RBMS1: variants seen among roughly 807,000 people sequenced by gnomAD.
The protein encoded by RBMS1 is RNA-binding motif, single-stranded-interacting protein 1.
A neutral mutation model predicts 62.3 loss-of-function variants in RBMS1; 17 were observed. The observed-to-expected ratio is 0.27, with a 90% CI of 0.19 to 0.41. RBMS1 has a LOEUF of 0.41. Ranked by LOEUF, RBMS1 falls within the 10% of genes least tolerant of loss-of-function variation. The pLI, the probability that RBMS1 is intolerant of heterozygous loss-of-function variation, is 1.00. For missense variants in RBMS1, 334 were observed against 504.5 expected, an observed-to-expected ratio of 0.66 and a Z score of 3.24; for synonymous variants, 172 against 170.0, an observed-to-expected ratio of 1.01 and a Z score of -0.09.
chr2:160,429,806 A>G (rs1384931616), intron 1 of RBMS1, among the ~76,000 whole-genome samples: 1 of 152,186 alleles, frequency 6.6e-6, no homozygotes, highest in Non-Finnish European at 1.5e-5. Flanking sequence ...CCCACTCTGC[A>G]TGTGCTTTCC....
chr2:160,359,596 T>A (rs1010322412), intron 2 of RBMS1, among the ~76,000 whole-genome samples: 3 of 152,214 alleles, frequency 2.0e-5, no homozygotes, highest in African/African-American at 7.2e-5. Context: ...AAGGATTTCC[T>A]ATTTACATAG....
chr2:160,400,330 C>T (rs10165985), intron 1 of RBMS1, among the ~76,000 whole-genome samples: 99,391 of 149,198 alleles, frequency 0.67, 33,524 homozygotes, highest in East Asian at 0.88. Flanking sequence ...ATTTAAAAAA[C>T]GAAAGAAACA....
At chr2:160,381,908 T>G (rs1004147288) in intron 1 of RBMS1, among the ~76,000 whole-genome samples, 2 of 152,226 alleles carry the variant, frequency 1.3e-5, no homozygotes, top group Non-Finnish European at 2.9e-5. Flanking sequence ...TCAGGAAACC[T>G]GCTTTCCTTT....
At chr2:160,471,691 G>GTGTATATATATATATATATATA (rs1275928756) in intron 1 of RBMS1, among the ~76,000 whole-genome samples, 2 of 65,944 alleles carry the variant, frequency 3.0e-5, no homozygotes, top group Middle Eastern at 8.8e-3. Context: ...ATCCTTTGGT[G>GTGTATATATATATATATATATA]TATATATATA....
intron 1 of RBMS1, among the ~76,000 whole-genome samples, chr2:160,424,715 C>A (rs1215873669): frequency 2.0e-5 from 3 of 152,062 alleles, no homozygotes; most frequent in Non-Finnish European, 4.4e-5. Flanking sequence ...TATTCACTCA[C>A]AAATGACTAT....
chr2:160,493,476 GGCT>G lies in RBMS1; in HGVS notation c.-116_-114del, dbSNP rs1025230291. On this transcript the variant is annotated 5_prime_UTR_variant, in exon 1 of 14. Coordinates refer to ENST00000348849, the MANE Select transcript of RBMS1 (RefSeq NM_016836.4). Reference sequence around the variant, plus strand: ...CGGCGGCAGCGGCGGCGGCGGCGGCGGCTGCTGCTGCTGCCGCTGCTCCACCTC... The same window carrying G: ...CGGCGGCAGCGGCGGCGGCGGCGGCGGCTGCTGCTGCCGCTGCTCCACCTC... 5.2e-5 allele frequency: 45 copies of G among 872,910 alleles called. No homozygotes were observed. Among genetic ancestry groups the G allele is most frequent in the Admixed American group, 1.5e-4 (7 of 45,824 alleles). The allele number at this position is 872,910 out of a possible 1,614,324, so 54.1% of individuals were successfully genotyped here.
rs1002866098 is a variant in RBMS1, at chr2:160,324,903, T to C, written c.252-6676A>G. On this transcript the variant is annotated intron_variant, in intron 2 of 13. Transcript: ENST00000348849. The stretch of plus-strand genomic sequence containing the variant: ...GTGTGTATATATATATATATATATA[T>C]ATATACACACACACACACACACACA... Among the ~76,000 whole-genome samples the C allele has an allele frequency of 3.4e-3, 404 of 118,962 alleles. 4 individuals are homozygous for C. The highest frequency in any genetic ancestry group is 3.7e-3 in the Admixed American group (46 of 12,430). 78.0% of individuals were successfully genotyped at this position (118,962 alleles called of 152,430 possible). A position where few individuals can be genotyped will look rare whatever the true frequency, so the allele number is the denominator to read the frequency against.
chr2:160,442,806 C>T (rs1222591856), intron 1 of RBMS1, among the ~76,000 whole-genome samples: 6 of 152,158 alleles, frequency 3.9e-5, no homozygotes, highest in African/African-American at 1.4e-4. Flanking sequence ...CAGCAGAAGG[C>T]AGGAAGGAAC....
At chr2:160,332,718 G>A (rs1573877538) in intron 2 of RBMS1, among the ~76,000 whole-genome samples, 1 of 152,010 alleles carries the variant, frequency 6.6e-6, no homozygotes, top group East Asian at 1.9e-4. Flanking sequence ...ACCCCTCAGA[G>A]CCAAAAAGGA....
intron 1 of RBMS1, among the ~76,000 whole-genome samples, chr2:160,469,652 T>C (rs1459595388): frequency 6.6e-6 from 1 of 152,186 alleles, no homozygotes; most frequent in Non-Finnish European, 1.5e-5. Context: ...CTGTTTCCTC[T>C]CAGGACTTTA....
intron 1 of RBMS1, among the ~76,000 whole-genome samples, chr2:160,480,836 C>G (rs1574112715): frequency 6.6e-6 from 1 of 152,056 alleles, no homozygotes; most frequent in East Asian, 1.9e-4. Flanking sequence ...CAAGAATCCA[C>G]TGGGAGGCCG....
chr2:160,359,863 A>G (rs1043348990), intron 2 of RBMS1, among the ~76,000 whole-genome samples: 5 of 152,228 alleles, frequency 3.3e-5, no homozygotes, highest in African/African-American at 9.6e-5. Flanking sequence ...ACAGAGATCA[A>G]TGGAGATGTA....
chr2:160,484,291 C>G (rs917069776), intron 1 of RBMS1, among the ~76,000 whole-genome samples: 1 of 151,256 alleles, frequency 6.6e-6, no homozygotes, highest in African/African-American at 2.4e-5. Flanking sequence ...GTCAGCAGAT[C>G]GAGACCATCC....
At position 160,490,316 on chromosome 2, in the gene RBMS1, A is replaced by AC. The variant is rs548179562; in HGVS notation, c.75+2972_75+2973insG. ...ATCCTCACTGAGAAATAAAAAAAAA[A>AC]AACAAAAAACCAACAGCATGTGAAA... On this transcript the variant is annotated intron_variant, in intron 1 of 13. Transcript: ENST00000348849. Among the ~76,000 whole-genome samples the AC allele has an allele frequency of 3.3e-3, 504 of 151,748 alleles. 1 individual carries two copies. The highest frequency in any genetic ancestry group is 5.8e-3 in the Non-Finnish European group (393 of 67,814).
Position 160,493,498 on chromosome 2 carries a change from C to T in RBMS1, c.-135G>A. The T allele has an allele frequency of 5.5e-6, 4 of 725,144 alleles. No homozygotes were observed. The highest frequency in any genetic ancestry group is 9.6e-6 in the Non-Finnish European group (4 of 417,960). The allele number at this position is 725,144 out of a possible 1,614,324, so 44.9% of individuals were successfully genotyped here. Reference sequence around the variant, plus strand: ...GGCGGCTGCTGCTGCTGCCGCTGCTCCACCTCCCAGCCGGGACCAGACGTC... The same window carrying T: ...GGCGGCTGCTGCTGCTGCCGCTGCTTCACCTCCCAGCCGGGACCAGACGTC... On this transcript the variant is annotated 5_prime_UTR_variant, in exon 1 of 14. Coordinates refer to ENST00000348849, the MANE Select transcript of RBMS1 (RefSeq NM_016836.4).
At chr2:160,442,162 G>A (rs975021080) in intron 1 of RBMS1, among the ~76,000 whole-genome samples, 7 of 152,112 alleles carry the variant, frequency 4.6e-5, no homozygotes, top group African/African-American at 1.7e-4. Flanking sequence ...GATAATGTCC[G>A]ATTTATCAAT....
intron 1 of RBMS1, among the ~76,000 whole-genome samples, chr2:160,375,406 G>C (rs1693943701): frequency 6.6e-6 from 1 of 152,136 alleles, no homozygotes; most frequent in South Asian, 2.1e-4. Flanking sequence ...AACAACTGAA[G>C]CCTAAAGGAA....
intron 4 of RBMS1, among the ~76,000 whole-genome samples, chr2:160,304,745 A>G (rs991216395): frequency 1.1e-4 from 17 of 152,382 alleles, no homozygotes; most frequent in Admixed American, 5.9e-4. Flanking sequence ...GTACAGCTGC[A>G]TAATGTATGT....
chr2:160,449,450 G>C (rs928314308), intron 1 of RBMS1, among the ~76,000 whole-genome samples: 1 of 152,262 alleles, frequency 6.6e-6, no homozygotes, highest in African/African-American at 2.4e-5. Context: ...GAAAGAAGTA[G>C]ACATGGGAGA....
Sources: gnomAD v4.1 joint callset for allele counts (sites outside exome capture counted in the v4.1 genomes callset) on GRCh38, gnomAD v4.1.1 for gene constraint, MANE v1.5 for transcripts, NCBI Gene and HGNC (gene_info 2026-07-23, HGNC 2026-07-21) for gene names.